Variants in FGFR2 observed in about 807,000 individuals in gnomAD.
The protein encoded by FGFR2 is BEK fibroblast growth factor receptor.
In FGFR2, 19 loss-of-function variants were observed where a neutral mutation model predicts 95.9. The ratio of observed to expected loss-of-function variants is 0.20; its 90% CI spans 0.14 to 0.29. The LOEUF (loss-of-function observed/expected upper bound fraction) is 0.29. Ranked by LOEUF, FGFR2 falls within the 10% of genes least tolerant of loss-of-function variation. The probability of loss-of-function intolerance (pLI) is 1.00; values close to 1 mark genes in which losing one functional copy is unlikely to be tolerated. For missense variants in FGFR2, 707 were observed against 1,056.9 expected (o/e 0.67, Z 4.59); for synonymous variants, 392 against 393.3 (o/e 1.00, Z 0.04).
rs2135483472 is a variant in FGFR2, at chr10:121,593,745, A to G, written c.73T>C (p.Phe25Leu). Residue 25 changes from phenylalanine (F) to leucine (L), a missense_variant, in exon 2 of 18, where the codon TTC becomes CTC. By Grantham distance (22) the Phe-to-Leu change is conservative. Around this residue, in one of 7 missense-constraint regions of FGFR2, gnomAD observed 178 missense variants for 194.1 expected, o/e 0.92. Transcript: ENST00000358487. Reference sequence around the variant, plus strand: ...AATGTGGTATCCTCAACTAAACTGAAGGAGGGCCGGGCCAGGGACAAGGTT... The same window carrying G: ...AATGTGGTATCCTCAACTAAACTGAGGGAGGGCCGGGCCAGGGACAAGGTT... ...MATLSLARPSFSLVEDTTLEP... is the reference protein window; with the variant it reads ...MATLSLARPSLSLVEDTTLEP... 6.2e-7 allele frequency: 1 copy of G among 1,614,200 alleles called. No homozygotes were observed. The highest frequency in any genetic ancestry group is 8.5e-7 in the Non-Finnish European group (1 of 1,180,036).
At chr10:121,482,256 G>T in intron 17 of FGFR2, 2 of 1,408,032 alleles carry the variant, frequency 1.4e-6, no homozygotes, top group Non-Finnish European at 2.0e-6. Flanking sequence ...AACAATTTTG[G>T]CAGAAGAAGA....
At position 121,478,617 on chromosome 10, in the gene FGFR2, T is replaced by G. The variant is rs1403038230; in HGVS notation, c.*1240A>C. 13 of 233,124 alleles carry G rather than the reference T, an allele frequency of 5.6e-5. 1 individual carries two copies. In the East Asian group the frequency reaches 7.2e-4, roughly 13 times the overall value. The allele number at this position is 233,124 out of a possible 1,614,324, so 14.4% of individuals were successfully genotyped here. ...TTGGTGAGGTCCTGCCAGAATTAGA[T>G]GAAAGCAATCCCTTAAAAAGATGGA... On this transcript the variant is annotated 3_prime_UTR_variant, in exon 18 of 18. Transcript: ENST00000358487.
intron 4 of FGFR2, among the ~76,000 whole-genome samples, chr10:121,551,678 G>GA (rs955985584): frequency 3.6e-4 from 52 of 142,506 alleles, no homozygotes; most frequent in South Asian, 6.7e-4. Flanking sequence ...CCAACAGGAA[G>GA]AAAAAAAAAA....
At chr10:121,556,457 G>A (rs940123278) in intron 4 of FGFR2, among the ~76,000 whole-genome samples, 6 of 144,106 alleles carry the variant, frequency 4.2e-5, no homozygotes, top group Admixed American at 6.8e-5. Flanking sequence ...CAGAGAACAC[G>A]GCCCAATGAT....
chr10:121,545,813 G>A (rs1854416415), intron 5 of FGFR2, among the ~76,000 whole-genome samples: 1 of 152,060 alleles, frequency 6.6e-6, no homozygotes, highest in African/African-American at 2.4e-5. Context: ...TATAACAAAA[G>A]TTTTAAAAAT....
At chr10:121,524,142 A>ACCCCC (rs904480348) in intron 6 of FGFR2, among the ~76,000 whole-genome samples, 10 of 125,994 alleles carry the variant, frequency 7.9e-5, no homozygotes, top group African/African-American at 2.8e-4. Context: ...ACACACACAC[A>ACCCCC]CACACCCCAA....
intron 2 of FGFR2, among the ~76,000 whole-genome samples, chr10:121,584,951 C>G (rs1389233256): frequency 1.3e-5 from 2 of 150,198 alleles, no homozygotes; most frequent in Non-Finnish European, 3.0e-5. Context: ...CCAACCGATC[C>G]CATAACCCCT....
intron 2 of FGFR2, among the ~76,000 whole-genome samples, chr10:121,569,837 A>C (rs1052688936): frequency 1.6e-4 from 25 of 152,208 alleles, no homozygotes; most frequent in African/African-American, 6.0e-4. Flanking sequence ...CAAAGGGCCC[A>C]TTTTGGGGAT....
Position 121,577,921 on chromosome 10 carries a change from G to C in FGFR2, c.110-12217C>G, listed in dbSNP as rs45631612. Among the ~76,000 whole-genome samples, 397 of 152,108 alleles carry C rather than the reference G, an allele frequency of 2.6e-3. 2 individuals carry two copies. Among genetic ancestry groups the C allele is most frequent in the Non-Finnish European group, 3.5e-3 (241 of 67,976 alleles). On this transcript the variant is annotated intron_variant, in intron 2 of 17. Coordinates refer to ENST00000358487, the MANE Select transcript of FGFR2 (RefSeq NM_000141.5). ...AAGGGAGTCACACCACTGAACTGCCGCCCAAGCTCCAAGTCGGCCCTGAAG... is the reference window on the plus strand; with the variant it reads ...AAGGGAGTCACACCACTGAACTGCCCCCCAAGCTCCAAGTCGGCCCTGAAG...
intron 6 of FGFR2, among the ~76,000 whole-genome samples, chr10:121,521,623 C>T (rs573826264): frequency 4.9e-5 from 7 of 143,952 alleles, no homozygotes; most frequent in African/African-American, 1.8e-4. Flanking sequence ...AAGGAGCTAT[C>T]ACATGACACC....
chr10:121,499,522 C>T (rs1012158205), intron 11 of FGFR2, among the ~76,000 whole-genome samples: 2 of 152,234 alleles, frequency 1.3e-5, no homozygotes, highest in Non-Finnish European at 2.9e-5. Context: ...AGAAAGGACA[C>T]GCCACAATGG....
At chr10:121,524,146 A>ACACACACACACACACCCCCC (rs142755962) in intron 6 of FGFR2, among the ~76,000 whole-genome samples, 1 of 136,890 alleles carries the variant, frequency 7.3e-6, no homozygotes, top group Non-Finnish European at 1.5e-5. Flanking sequence ...ACACACACAC[A>ACACACACACACACACCCCCC]CCCCAAGTTT....
intron 9 of FGFR2, among the ~76,000 whole-genome samples, chr10:121,506,836 A>G (rs1848357883): frequency 6.6e-6 from 1 of 152,208 alleles, no homozygotes; most frequent in Non-Finnish European, 1.5e-5. Flanking sequence ...TTTCTAGACC[A>G]TTTGGATTTT....
In FGFR2 at chr10:121,517,134, T is replaced by C. The variant is rs1274394263; in HGVS notation, c.1084+185A>G. On this transcript the variant is annotated intron_variant, in intron 8 of 17. Transcript: ENST00000358487. This position sits in a 1 kb window ranked among gnomAD's most constrained non-coding sequence, Gnocchi z 4.7. ...AATTTCCCTTGATCATAAATGTGAG[T>C]GTGGGATCTCACTGTGTGTGAATTT... is the stretch of plus-strand genomic sequence containing the variant. 5.8e-6 allele frequency: 4 copies of C among 685,524 alleles called. No homozygotes were observed. Among genetic ancestry groups the C allele is most frequent in the Non-Finnish European group, 7.7e-6 (3 of 390,048 alleles). The allele number at this position is 685,524 out of a possible 1,614,324, so 42.5% of individuals were successfully genotyped here. A position where few individuals can be genotyped will look rare whatever the true frequency, so the allele number is the denominator to read the frequency against.
chr10:121,548,271 TTTTTTTTTG>T (rs1341778056), intron 5 of FGFR2, among the ~76,000 whole-genome samples: 4 of 128,436 alleles, frequency 3.1e-5, no homozygotes, highest in African/African-American at 7.4e-5. Context: ...TTTTTTTTTT[TTTTTTTTTG>T]GTAAAGCAAA....
chr10:121,567,918 C>G (rs1220920550), intron 2 of FGFR2, among the ~76,000 whole-genome samples: 2 of 152,208 alleles, frequency 1.3e-5, no homozygotes, highest in African/African-American at 4.8e-5. Flanking sequence ...ATAAGACAAT[C>G]AGAGAGACTT....
chr10:121,529,163 C>T (rs1269301630), intron 6 of FGFR2, among the ~76,000 whole-genome samples: 1 of 152,144 alleles, frequency 6.6e-6, no homozygotes, highest in South Asian at 2.1e-4. Context: ...GTCTGGAGTG[C>T]AGTGGCACAA....
At chr10:121,594,690 A>G (rs371260387) in intron 1 of FGFR2, among the ~76,000 whole-genome samples, 2 of 152,366 alleles carry the variant, frequency 1.3e-5, no homozygotes, top group Non-Finnish European at 1.5e-5. Context: ...CGAAGCCTGA[A>G]TTCCCTTCCC....
chr10:121,503,728 A>G (rs1022615164), intron 10 of FGFR2, 62 bp downstream of exon 10: 1 of 1,590,346 alleles, frequency 6.3e-7, no homozygotes, highest in East Asian at 2.2e-5. Context: ...GAAAATGTTA[A>G]TCCAATATCC....
Sources: gnomAD v4.1 joint callset for allele counts (sites outside exome capture counted in the v4.1 genomes callset) on GRCh38, gnomAD v4.1.1 for gene constraint, gnomAD v4.1.1 regional missense constraint, Gnocchi (gnomAD v3.1) non-coding constraint, MANE v1.5 for transcripts, NCBI Gene and HGNC (gene_info 2026-07-23, HGNC 2026-07-21) for gene names.